The following CPQ variants were observed in gnomAD, a reference collection of about 807,000 sequenced individuals.
CPQ encodes carboxypeptidase Q, also known as Ser-Met dipeptidase.
Under a neutral mutation model 45.7 loss-of-function variants are expected in CPQ, and 37 were observed. The ratio of observed to expected loss-of-function variants is 0.81; its 90% CI spans 0.62 to 1.07. CPQ has a LOEUF of 1.07. Among genes scored for constraint, CPQ ranks in the 50% least tolerant of loss-of-function variants. The pLI is 0.00. For missense variants in CPQ, 537 were observed against 572.9 expected, an observed-to-expected ratio of 0.94 and a Z score of 0.64; for synonymous variants, 186 against 205.8, an observed-to-expected ratio of 0.90 and a Z score of 0.82.
chr8:96,938,422 A>C (rs1434302571), intron 4 of CPQ, among the ~76,000 whole-genome samples: 4 of 152,170 alleles, frequency 2.6e-5, no homozygotes, highest in Non-Finnish European at 5.9e-5. Context: ...AACAAAACCA[A>C]ATTAGGATAA....
rs183470872 is a variant in CPQ at position 96,666,850 on chromosome 8, G to T, written c.-35+21448G>T. ...GTTAAAAACCAAACTGGAGTTTTAGGCATCATTTAGGTTTTCTGATTCTCT... is the reference window on the plus strand; with the variant it reads ...GTTAAAAACCAAACTGGAGTTTTAGTCATCATTTAGGTTTTCTGATTCTCT... On this transcript the variant is annotated intron_variant, in intron 1 of 7. Coordinates refer to ENST00000220763, the MANE Select transcript of CPQ (RefSeq NM_016134.4). 1.7e-3 allele frequency among the ~76,000 whole-genome samples: 265 copies of T among 152,212 alleles called. 1 individual carries two copies. Among genetic ancestry groups the T allele is most frequent in the African/African-American group, 5.9e-3 (247 of 41,528 alleles).
chr8:96,892,249 C>A (rs965499152), intron 4 of CPQ, among the ~76,000 whole-genome samples: 2 of 152,160 alleles, frequency 1.3e-5, no homozygotes, highest in African/African-American at 4.8e-5. Context: ...ATAAACCAAA[C>A]CTGATTGGCC....
chr8:96,732,925 T>C (rs543700854), intron 1 of CPQ, among the ~76,000 whole-genome samples: 2 of 152,266 alleles, frequency 1.3e-5, no homozygotes, highest in South Asian at 4.1e-4. Flanking sequence ...GTTTCAATGT[T>C]AGTGAGTTGC....
At chr8:96,685,475 C>G (rs1322561531) in intron 1 of CPQ, among the ~76,000 whole-genome samples, 1 of 151,846 alleles carries the variant, frequency 6.6e-6, no homozygotes, top group Admixed American at 6.6e-5. Context: ...TTTTATATCA[C>G]TTTTTGAAGT....
chr8:97,054,571 C>T (rs1810420023), intron 6 of CPQ, among the ~76,000 whole-genome samples: 1 of 152,168 alleles, frequency 6.6e-6, no homozygotes, highest in Non-Finnish European at 1.5e-5. Flanking sequence ...TACATACATA[C>T]CACGGAATAC....
At chr8:96,677,928 C>A (rs568073777) in intron 1 of CPQ, among the ~76,000 whole-genome samples, 35 of 151,924 alleles carry the variant, frequency 2.3e-4, no homozygotes, top group African/African-American at 8.4e-4. Context: ...GAATAGGGTG[C>A]CCTTTCCTCA....
intron 4 of CPQ, among the ~76,000 whole-genome samples, chr8:96,911,908 G>A (rs1000761662): frequency 1.3e-5 from 2 of 152,116 alleles, no homozygotes; most frequent in Admixed American, 6.6e-5. Context: ...CTGTAGTATC[G>A]GCCAGACCTT....
chr8:96,827,166 A>C (rs747530079), intron 2 of CPQ, among the ~76,000 whole-genome samples: 1 of 152,070 alleles, frequency 6.6e-6, no homozygotes, highest in African/African-American at 2.4e-5. Context: ...TTACAAGGCA[A>C]TGGGTGGGCA....
At chr8:97,091,961 A>G (rs923552989) in intron 7 of CPQ, among the ~76,000 whole-genome samples, 2 of 152,150 alleles carry the variant, frequency 1.3e-5, no homozygotes, top group Non-Finnish European at 2.9e-5. Flanking sequence ...AACTGCAGTT[A>G]TCCTAAATGC....
At chr8:96,885,404 G>A (rs557588049) in intron 4 of CPQ, among the ~76,000 whole-genome samples, 19 of 152,174 alleles carry the variant, frequency 1.2e-4, no homozygotes, top group Admixed American at 2.6e-4. Context: ...ATGAACTTTC[G>A]GGTGACATAT....
At chr8:97,038,700 C>T (rs1222508360) in intron 6 of CPQ, among the ~76,000 whole-genome samples, 1 of 150,198 alleles carries the variant, frequency 6.7e-6, no homozygotes, top group Non-Finnish European at 1.5e-5. Flanking sequence ...TTTTTTTTAA[C>T]AGTCCAGATA....
At chr8:97,016,374 A>G (rs143087039) in intron 5 of CPQ, among the ~76,000 whole-genome samples, 1 of 152,354 alleles carries the variant, frequency 6.6e-6, no homozygotes, top group African/African-American at 2.4e-5. Flanking sequence ...CAAAAATGGC[A>G]TCTTTTACCA....
chr8:97,136,113 A>G (rs1198309440), intron 7 of CPQ, among the ~76,000 whole-genome samples: 2 of 152,126 alleles, frequency 1.3e-5, no homozygotes, highest in Non-Finnish European at 2.9e-5. Flanking sequence ...ATTTTTTATA[A>G]TATTCATCAG....
In CPQ at chr8:96,970,724, C is replaced by T. The variant is rs1312789776; in HGVS notation, c.961+4678C>T. Among the ~76,000 whole-genome samples the T allele has an allele frequency of 1.8e-4, 28 of 152,166 alleles. 2 individuals are homozygous for T. The South Asian group carries it at 4.6e-3, about 25-fold the overall frequency. On this transcript the variant is annotated intron_variant, in intron 5 of 7. Coordinates refer to ENST00000220763, the MANE Select transcript of CPQ (RefSeq NM_016134.4). ...GACTACAGGCGCCCGCTACCACGCCCGGCTAATTTTTTGTATTTTTAGTAG... is the reference window on the plus strand; with the variant it reads ...GACTACAGGCGCCCGCTACCACGCCTGGCTAATTTTTTGTATTTTTAGTAG...
chr8:96,802,723 G>A (rs1811023139), intron 2 of CPQ, among the ~76,000 whole-genome samples: 1 of 152,250 alleles, frequency 6.6e-6, no homozygotes, highest in Non-Finnish European at 1.5e-5. Context: ...AAGCTTGATT[G>A]ACTAAGTGGG....
chr8:96,990,128 T>C (rs1412369809), intron 5 of CPQ, among the ~76,000 whole-genome samples: 1 of 152,088 alleles, frequency 6.6e-6, no homozygotes, highest in Non-Finnish European at 1.5e-5. Flanking sequence ...CTCCAACTCC[T>C]CTGCTCAGCA....
intron 1 of CPQ, among the ~76,000 whole-genome samples, chr8:96,729,574 A>G (rs998984770): frequency 5.9e-5 from 9 of 152,172 alleles, no homozygotes; most frequent in Admixed American, 4.6e-4. Context: ...CCATATACAC[A>G]TCATCTGGAT....
At chr8:96,654,029 C>T (rs775952048) in intron 1 of CPQ, among the ~76,000 whole-genome samples, 2 of 152,198 alleles carry the variant, frequency 1.3e-5, no homozygotes, top group Admixed American at 6.5e-5. Flanking sequence ...ATCATAGAAG[C>T]GTTCATGTCA....
intron 6 of CPQ, among the ~76,000 whole-genome samples, chr8:97,043,866 T>C (rs1471175780): frequency 6.6e-6 from 1 of 152,286 alleles, no homozygotes; most frequent in African/African-American, 2.4e-5. Context: ...GTTAGTCTTA[T>C]GGGCTTCCCT....
Sources: gnomAD v4.1 joint callset for allele counts (sites outside exome capture counted in the v4.1 genomes callset) on GRCh38, gnomAD v4.1.1 for gene constraint, MANE v1.5 for transcripts, NCBI Gene and HGNC (gene_info 2026-07-23, HGNC 2026-07-21) for gene names.